SORCS1: variants seen among roughly 807,000 people sequenced by gnomAD.
The protein encoded by SORCS1 is VPS10 domain-containing receptor SorCS1.
In SORCS1, 60 loss-of-function variants were observed where a neutral mutation model predicts 146.1. The ratio of observed to expected loss-of-function variants is 0.41; its 90% CI spans 0.33 to 0.51. The LOEUF is 0.51. Ranked by LOEUF, SORCS1 falls within the 20% of genes least tolerant of loss-of-function variation. The probability of loss-of-function intolerance (pLI) is 0.21; values close to 1 mark genes in which losing one functional copy is unlikely to be tolerated. For synonymous variants in SORCS1, 637 were observed against 584.0 expected, an observed-to-expected ratio of 1.09 and a Z score of -1.31; for missense variants, 1,352 against 1,487.6, an observed-to-expected ratio of 0.91 and a Z score of 1.50.
intron 8 of SORCS1, among the ~76,000 whole-genome samples, chr10:106,706,295 GAA>G (rs1408209561): frequency 1.3e-5 from 2 of 149,212 alleles, no homozygotes; most frequent in East Asian, 3.9e-4. Context: ...AGGAGAAAGA[GAA>G]AGAAAGAAAG....
At chr10:107,072,327 C>T (rs1320582223) in intron 1 of SORCS1, among the ~76,000 whole-genome samples, 5 of 152,114 alleles carry the variant, frequency 3.3e-5, no homozygotes, top group Non-Finnish European at 5.9e-5. Flanking sequence ...ATAACTGGCA[C>T]GCAAATTATC....
rs536703676 is a variant in SORCS1, at chr10:106,960,781, G to A, written c.559-4201C>T. Among the ~76,000 whole-genome samples the A allele has an allele frequency of 6.6e-6, 1 of 152,122 alleles. No homozygotes were observed. Among genetic ancestry groups the A allele is most frequent in the East Asian group, 1.9e-4 (1 of 5,180 alleles). On this transcript the variant is annotated intron_variant, in intron 1 of 25. Coordinates refer to ENST00000263054, the MANE Select transcript of SORCS1 (RefSeq NM_052918.5). This position sits in a 1 kb window ranked among gnomAD's most constrained non-coding sequence, Gnocchi z 4.4. ...ATCACCCATTCCTTGGAGGGTAGAA[G>A]GGTGCCAGAAACAGTGCCAGGTCAG...
At chr10:106,616,144 C>T (rs1418644083) in intron 21 of SORCS1, among the ~76,000 whole-genome samples, 1 of 152,066 alleles carries the variant, frequency 6.6e-6, no homozygotes, top group Non-Finnish European at 1.5e-5. Flanking sequence ...TATGTCTGGG[C>T]CATAATTTCC....
At chr10:107,034,365 C>T (rs530415950) in intron 1 of SORCS1, among the ~76,000 whole-genome samples, 7 of 151,756 alleles carry the variant, frequency 4.6e-5, no homozygotes, top group Non-Finnish European at 1.0e-4. Flanking sequence ...ACCTTTCTTT[C>T]CTTCATATAT....
chr10:107,130,393 A>G (rs1400219577), intron 1 of SORCS1, among the ~76,000 whole-genome samples: 2 of 152,280 alleles, frequency 1.3e-5, no homozygotes, highest in African/African-American at 2.4e-5. Flanking sequence ...GTTTTAAAGT[A>G]GAAAACATAT....
intron 6 of SORCS1, among the ~76,000 whole-genome samples, chr10:106,710,814 T>G (rs1854925044): frequency 6.6e-6 from 1 of 152,214 alleles, no homozygotes; most frequent in South Asian, 2.1e-4. Flanking sequence ...TAATCCACCC[T>G]ACTTTATGTT....
intron 2 of SORCS1, among the ~76,000 whole-genome samples, chr10:106,834,515 C>G (rs531546947): frequency 6.6e-6 from 1 of 151,462 alleles, no homozygotes; most frequent in Admixed American, 6.6e-5. Context: ...GTGTTCTGAG[C>G]AACACACTTG....
At chr10:106,600,376 AC>A in intron 23 of SORCS1, 1 of 977,156 alleles carries the variant, frequency 1.0e-6, no homozygotes. Context: ...AGGACATTCA[AC>A]AATGAACACA....
chr10:106,888,641 C>A (rs1047197024), intron 2 of SORCS1, among the ~76,000 whole-genome samples: 1 of 152,134 alleles, frequency 6.6e-6, no homozygotes, highest in East Asian at 1.9e-4. Flanking sequence ...TATTCCGTGA[C>A]CAATTTAAGT....
chr10:106,747,070 C>T (rs761356180), intron 5 of SORCS1, among the ~76,000 whole-genome samples: 7 of 152,180 alleles, frequency 4.6e-5, no homozygotes, highest in Non-Finnish European at 1.0e-4. Flanking sequence ...TAGTATTTGT[C>T]TTCTGGGATT....
In SORCS1 at chr10:106,629,230, G is replaced by C. The variant is rs1409816243; in HGVS notation, c.2634C>G (p.Asp878Glu). ...TVQVDNSLGSDSAVLYLHVTC... is the reference protein window; with the variant it reads ...TVQVDNSLGSESAVLYLHVTC... ...TTACATGTAAGTACAGGACGGCGCT[G>C]TCAGAACCCAGACTGTTGTCCACCT... Residue 878 changes from aspartate (D) to glutamate (E), a missense_variant, in exon 19 of 26, where the codon GAC becomes GAG. By Grantham distance (45) the Asp-to-Glu change is conservative (BLOSUM62 2). Around this residue, in one of 3 missense-constraint regions of SORCS1, gnomAD observed 648 missense variants for 793.8 expected, o/e 0.82. Coordinates refer to ENST00000263054, the MANE Select transcript of SORCS1 (RefSeq NM_052918.5). The C allele has an allele frequency of 6.2e-7, 1 of 1,614,012 alleles. No individual in the cohort carries two copies. Among genetic ancestry groups the C allele is most frequent in the East Asian group, 2.2e-5 (1 of 44,838 alleles).
At chr10:106,620,860 T>C (rs1381514520) in intron 19 of SORCS1, among the ~76,000 whole-genome samples, 1 of 152,170 alleles carries the variant, frequency 6.6e-6, no homozygotes, top group East Asian at 1.9e-4. Context: ...CAGGCATCAT[T>C]TGGGATTTCA....
chr10:107,162,035 C>T (rs796082086), intron 1 of SORCS1, among the ~76,000 whole-genome samples: 8 of 152,282 alleles, frequency 5.3e-5, no homozygotes, highest in African/African-American at 1.9e-4. Context: ...ATGTTCAATG[C>T]CCTGAACCTA....
intron 1 of SORCS1, among the ~76,000 whole-genome samples, chr10:107,063,005 T>G (rs1391708793): frequency 6.6e-6 from 1 of 152,214 alleles, no homozygotes; most frequent in African/African-American, 2.4e-5. Flanking sequence ...GACCTTTCCT[T>G]GACTCGTAAG....
At chr10:106,753,608 T>G (rs1858420284) in intron 5 of SORCS1, among the ~76,000 whole-genome samples, 1 of 151,880 alleles carries the variant, frequency 6.6e-6, no homozygotes, top group Admixed American at 6.6e-5. Flanking sequence ...TTTATGAAGC[T>G]GCCTCTTTCG....
intron 1 of SORCS1, among the ~76,000 whole-genome samples, chr10:107,068,451 C>T (rs764108919): frequency 1.1e-4 from 17 of 152,168 alleles, no homozygotes; most frequent in Non-Finnish European, 2.4e-4. Flanking sequence ...GAACCAGGTA[C>T]TAACATGGTT....
intron 22 of SORCS1, among the ~76,000 whole-genome samples, chr10:106,610,028 T>A (rs974029883): frequency 1.3e-5 from 2 of 152,192 alleles, no homozygotes; most frequent in African/African-American, 4.8e-5. Context: ...TAGAGACGGA[T>A]GGCTCAGAGT....
chr10:106,845,390 G>GACAT (rs1370971288), intron 2 of SORCS1, among the ~76,000 whole-genome samples: 1 of 74,868 alleles, frequency 1.3e-5, no homozygotes, highest in Non-Finnish European at 2.8e-5. Flanking sequence ...CTTTTGAGAA[G>GACAT]TGTCTGTTCA....
chr10:107,142,928 T>C (rs1348317666), intron 1 of SORCS1, among the ~76,000 whole-genome samples: 2 of 152,220 alleles, frequency 1.3e-5, no homozygotes, highest in Admixed American at 6.5e-5. Context: ...CAGGCCTCCC[T>C]GTATGTAGTT....
Sources: gnomAD v4.1 joint callset for allele counts (sites outside exome capture counted in the v4.1 genomes callset) on GRCh38, gnomAD v4.1.1 for gene constraint, gnomAD v4.1.1 regional missense constraint, Gnocchi (gnomAD v3.1) non-coding constraint, MANE v1.5 for transcripts, NCBI Gene and HGNC (gene_info 2026-07-23, HGNC 2026-07-21) for gene names.